The following DPF3 variants were observed in gnomAD, a reference collection of about 807,000 sequenced individuals.
The protein encoded by DPF3 is double PHD fingers 3.
In DPF3, 18 loss-of-function variants were observed where a neutral mutation model predicts 56.8. The ratio of observed to expected loss-of-function variants is 0.32; its 90% CI spans 0.22 to 0.47. The LOEUF is 0.47. Ranked by LOEUF, DPF3 falls within the 20% of genes least tolerant of loss-of-function variation. The pLI, the probability that DPF3 is intolerant of heterozygous loss-of-function variation, is 1.00. For missense variants in DPF3, 403 were observed against 488.8 expected, an observed-to-expected ratio of 0.82 and a Z score of 1.65; for synonymous variants, 188 against 180.2, an observed-to-expected ratio of 1.04 and a Z score of -0.35.
At chr14:72,620,165 T>C (rs1599306522) in intron 9 of DPF3, among the ~76,000 whole-genome samples, 181 bp from the exon 10 acceptor site, 1 of 151,952 alleles carries the variant, frequency 6.6e-6, no homozygotes, top group African/African-American at 2.4e-5. Context: ...AACTGGAGTT[T>C]CCCCCTCTAC....
chr14:72,785,142 A>C (rs970258132), intron 1 of DPF3, among the ~76,000 whole-genome samples: 1 of 152,128 alleles, frequency 6.6e-6, no homozygotes, highest in Non-Finnish European at 1.5e-5. Flanking sequence ...AAAAAATAAA[A>C]AAATGTTTTA....
chr14:72,706,897 A>G (rs1012167645), intron 6 of DPF3, among the ~76,000 whole-genome samples: 7 of 151,910 alleles, frequency 4.6e-5, no homozygotes, highest in Admixed American at 2.6e-4. Context: ...ACATATGTAT[A>G]CATGTGCCAT....
At chr14:72,672,889 A>G (rs1486485040) in intron 8 of DPF3, among the ~76,000 whole-genome samples, 1 of 152,218 alleles carries the variant, frequency 6.6e-6, no homozygotes, top group African/African-American at 2.4e-5. Context: ...GCTTTTAAAA[A>G]AACACTGCAT....
At chr14:72,892,942 T>TGGAAGGAAGGAA (rs61598180) in intron 1 of DPF3, among the ~76,000 whole-genome samples, 2 of 132,746 alleles carry the variant, frequency 1.5e-5, no homozygotes, top group Admixed American at 7.5e-5. Flanking sequence ...TTCCACTGAC[T>TGGAAGGAAGGAA]GGAAGGAAGG....
intron 1 of DPF3, among the ~76,000 whole-genome samples, chr14:72,822,197 G>C (rs533106290): frequency 2.7e-4 from 41 of 152,200 alleles, no homozygotes; most frequent in African/African-American, 9.9e-4. Flanking sequence ...GGCCAACATG[G>C]TGAAACCCCA....
intron 3 of DPF3, among the ~76,000 whole-genome samples, chr14:72,744,292 A>G (rs948802702): frequency 1.3e-5 from 2 of 151,332 alleles, no homozygotes; most frequent in Non-Finnish European, 3.0e-5. Flanking sequence ...ACTTTTTTTG[A>G]GCCAGGGCCT....
At position 72,849,622 on chromosome 14, in the gene DPF3, T is replaced by A. The variant is rs76733765; in HGVS notation, c.32+44435A>T. ...TTTCACCTCCCACCTTCACCCTAAC[T>A]TCATCCTCATGGCCATTCTTTATCC... On this transcript the variant is annotated intron_variant, in intron 1 of 10. Coordinates refer to ENST00000556509, the MANE Select transcript of DPF3 (RefSeq NM_001280542.3). 4.3e-4 allele frequency among the ~76,000 whole-genome samples: 66 copies of A among 152,190 alleles called. No individual in the cohort carries two copies. The East Asian group carries it at 0.012, about 27-fold the overall frequency.
chr14:72,728,223 A>G (rs777346439), intron 4 of DPF3, among the ~76,000 whole-genome samples: 4 of 152,208 alleles, frequency 2.6e-5, no homozygotes, highest in Non-Finnish European at 5.9e-5. Flanking sequence ...TCACATACAC[A>G]CACACAAGGA....
At position 72,614,777 on chromosome 14, in the gene DPF3, G is replaced by GAAAAAAAAGAAAAA. The variant is rs1555488400; in HGVS notation, c.*4519_*4520insTTTTTCTTTTTTTT. Among the ~76,000 whole-genome samples the GAAAAAAAAGAAAAA allele has an allele frequency of 1.0e-5, 1 of 96,068 alleles. No individual in the cohort carries two copies. Among genetic ancestry groups the GAAAAAAAAGAAAAA allele is most frequent in the Non-Finnish European group, 1.9e-5 (1 of 52,174 alleles). 63.0% of individuals were successfully genotyped at this position (96,068 alleles called of 152,430 possible). On this transcript the variant is annotated 3_prime_UTR_variant, in exon 11 of 11. Coordinates refer to ENST00000556509, the MANE Select transcript of DPF3 (RefSeq NM_001280542.3). ...CTGTTGCCCAGGATCACAAGCCTCA[G>GAAAAAAAAGAAAAA]AAAAAAAAAAAAGAGTTACAATCAC...
At chr14:72,681,966 G>A (rs890483133) in intron 7 of DPF3, among the ~76,000 whole-genome samples, 2 of 152,238 alleles carry the variant, frequency 1.3e-5, no homozygotes, top group African/African-American at 4.8e-5. Context: ...TGTAATCCCA[G>A]CACTTTGGGA....
intron 1 of DPF3, among the ~76,000 whole-genome samples, chr14:72,893,009 A>AGGCAGGC (rs1567273821): frequency 5.9e-5 from 7 of 118,154 alleles, no homozygotes; most frequent in South Asian, 6.0e-4. Context: ...GGAAGGAAGG[A>AGGCAGGC]AGGAAGGAAG....
intron 8 of DPF3, among the ~76,000 whole-genome samples, chr14:72,645,793 C>A (rs1165205514): frequency 1.3e-5 from 2 of 151,858 alleles, no homozygotes; most frequent in South Asian, 2.1e-4. Flanking sequence ...CGCTCCTACA[C>A]CCCCCACCCC....
intron 8 of DPF3, among the ~76,000 whole-genome samples, chr14:72,649,668 G>GGGT (rs1466608508): frequency 8.2e-6 from 1 of 122,122 alleles, no homozygotes; most frequent in Non-Finnish European, 1.7e-5. Context: ...GGTGGGGGGG[G>GGGT]GGATTAATGT....
In DPF3 at chr14:72,650,224, C is replaced by A. The variant is rs542581370; in HGVS notation, c.872-20488G>T. Among the ~76,000 whole-genome samples, 4 of 152,274 alleles carry A rather than the reference C, an allele frequency of 2.6e-5. No homozygotes were observed. In the East Asian group the frequency reaches 7.8e-4, roughly 30 times the overall value. ...CCAGCCGTGGTAGCTAATCTAAGATCCGGGAATAAAGGCCCTCCCTGAATG... is the reference window on the plus strand; with the variant it reads ...CCAGCCGTGGTAGCTAATCTAAGATACGGGAATAAAGGCCCTCCCTGAATG... On this transcript the variant is annotated intron_variant, in intron 8 of 10. Coordinates refer to ENST00000556509, the MANE Select transcript of DPF3 (RefSeq NM_001280542.3).
chr14:72,800,913 G>C (rs1892867378), intron 1 of DPF3, among the ~76,000 whole-genome samples: 1 of 152,250 alleles, frequency 6.6e-6, no homozygotes, highest in Non-Finnish European at 1.5e-5. Context: ...ACTGCAGTCA[G>C]GGGGCCATCT....
intron 4 of DPF3, among the ~76,000 whole-genome samples, chr14:72,728,503 C>T (rs1889503621): frequency 6.6e-6 from 1 of 152,114 alleles, no homozygotes; most frequent in African/African-American, 2.4e-5. Flanking sequence ...AGAGGACACG[C>T]CCAGGAAGGT....
Position 72,612,511 on chromosome 14 carries a change from T to C in DPF3, c.*6786A>G, listed in dbSNP as rs766648323. On this transcript the variant is annotated 3_prime_UTR_variant, in exon 11 of 11. Coordinates refer to ENST00000556509, the MANE Select transcript of DPF3 (RefSeq NM_001280542.3). Reference sequence around the variant, plus strand: ...CACGGGGTATATTTTCTTTTTCCTATACGCCACTGTTGCTTCCCACTTCCC... The same window carrying C: ...CACGGGGTATATTTTCTTTTTCCTACACGCCACTGTTGCTTCCCACTTCCC... The C allele has an allele frequency of 1.9e-6, 1 of 518,766 alleles. No individual in the cohort carries two copies. Among genetic ancestry groups the C allele is most frequent in the Admixed American group, 1.9e-5 (1 of 51,560 alleles). The allele number at this position is 518,766 out of a possible 1,614,324, so 32.1% of individuals were successfully genotyped here. A position where few individuals can be genotyped will look rare whatever the true frequency, so the allele number is the denominator to read the frequency against.
At chr14:72,887,387 GC>G (rs919990867) in intron 1 of DPF3, among the ~76,000 whole-genome samples, 3 of 152,084 alleles carry the variant, frequency 2.0e-5, no homozygotes, top group African/African-American at 7.2e-5. Flanking sequence ...ATTCTAAATG[GC>G]CCACCACCTG....
chr14:72,752,973 C>G (rs1365242188), intron 3 of DPF3, among the ~76,000 whole-genome samples: 1 of 152,188 alleles, frequency 6.6e-6, no homozygotes, highest in Non-Finnish European at 1.5e-5. Context: ...TCCTTCAGTT[C>G]TGTTGGGAAA....
Sources: gnomAD v4.1 joint callset for allele counts (sites outside exome capture counted in the v4.1 genomes callset) on GRCh38, gnomAD v4.1.1 for gene constraint, MANE v1.5 for transcripts, NCBI Gene and HGNC (gene_info 2026-07-23, HGNC 2026-07-21) for gene names.